MYH8: variants seen among roughly 807,000 people sequenced by gnomAD.
MYH8 encodes myosin heavy chain 8.
A neutral mutation model predicts 233.2 loss-of-function variants in MYH8; 168 were observed. The observed-to-expected ratio is 0.72, with a 90% confidence interval of 0.64 to 0.82. The LOEUF is 0.82. Among genes scored for constraint, MYH8 ranks in the 40% least tolerant of loss-of-function variants. MYH8 has a pLI of 0.00. For missense variants in MYH8, 1,995 were observed against 2,327.8 expected (o/e 0.86, Z 2.94); for synonymous variants, 785 against 850.6 (o/e 0.92, Z 1.34).
At chr17:10,397,008 C>G in intron 30 of MYH8, 22 bp from the exon 31 acceptor site, 1 of 1,613,910 alleles carries the variant, frequency 6.2e-7, no homozygotes, top group Non-Finnish European at 8.5e-7. Context: ...GCCAGGCAGT[C>G]AGGAGAATGG....
chr17:10,419,121 G>A lies in MYH8; in HGVS notation c.211-91C>T, dbSNP rs572235815. 2.0e-4 allele frequency: 291 copies of A among 1,459,944 alleles called. 1 individual carries two copies. Among genetic ancestry groups the A allele is most frequent in the Admixed American group, 2.0e-3 (107 of 54,522 alleles). 90.4% of individuals were successfully genotyped at this position (1,459,944 alleles called of 1,614,324 possible). A position where few individuals can be genotyped will look rare whatever the true frequency, so the allele number is the denominator to read the frequency against. ...TGCCCAGGCTGGAGTGCAGTGGCGC[G>A]ATCTCAGCTCACTGCAACCTCCGCC... On this transcript the variant is annotated intron_variant, in intron 3 of 39. Transcript: ENST00000403437. This position sits in a 1 kb window ranked among gnomAD's most constrained non-coding sequence, Gnocchi z 4.0.
At chr17:10,416,906 G>C (rs955470395) in intron 5 of MYH8, among the ~76,000 whole-genome samples, 3 of 152,084 alleles carry the variant, frequency 2.0e-5, no homozygotes, top group Non-Finnish European at 2.9e-5. Context: ...AGGCATAAAA[G>C]ATCTTAGAAA....
At position 10,420,276 on chromosome 17, in the gene MYH8, GGA is replaced by G. The variant is rs762174675; in HGVS notation, c.-30-21_-30-20del. On this transcript the variant is annotated intron_variant, in intron 2 of 39. Coordinates refer to ENST00000403437, the MANE Select transcript of MYH8 (RefSeq NM_002472.3). ...ATTCTGCCTAGGGAGGAGAGAAACG[GGA>G]GAGAGAGATATAAAAAGCAGAAGTC... 13 of 1,592,080 alleles carry G rather than the reference GGA, an allele frequency of 8.2e-6. No homozygotes were observed. In the Admixed American group the frequency reaches 1.2e-4, roughly 14 times the overall value.
chr17:10,401,556 G>A lies in MYH8; in HGVS notation c.2918C>T (p.Ala973Val), dbSNP rs753480257. Residue 973 changes from alanine (A) to valine (V), a missense_variant, in exon 23 of 40, where the codon GCC becomes GTC. By Grantham distance (64) the Ala-to-Val change is moderately conservative (BLOSUM62 0). Around this residue, in one of 3 missense-constraint regions of MYH8, gnomAD observed 1,498 missense variants for 1,680.9 expected, o/e 0.89. Coordinates refer to ENST00000403437, the MANE Select transcript of MYH8 (RefSeq NM_002472.3). ...TLAKVEKEKH[A>V]TENKVKNLTE... ...TATGACTGATACCTTGTTCTCCGTG[G>A]CATGTTTCTCCTTCTCAACCTTGGC... 6.2e-7 allele frequency: 1 copy of A among 1,614,104 alleles called. No homozygotes were observed. Among genetic ancestry groups the A allele is most frequent in the East Asian group, 2.2e-5 (1 of 44,870 alleles).
intron 24 of MYH8, 25 bp downstream of exon 24, chr17:10,401,250 A>T (rs770799302): frequency 4.3e-6 from 7 of 1,614,078 alleles, no homozygotes; most frequent in Non-Finnish European, 5.9e-6. Context: ...AAAATCTTTC[A>T]AAGGGATATT....
At chr17:10,401,822 A>T in intron 22 of MYH8, 37 bp from the exon 23 acceptor site, 1 of 1,613,590 alleles carries the variant, frequency 6.2e-7, no homozygotes, top group Non-Finnish European at 8.5e-7. Context: ...AGAGTCTGTT[A>T]CTTATTTTGA....
At chr17:10,404,275 G>A (rs960180851) in intron 22 of MYH8, 55 bp downstream of exon 22, 4 of 1,607,886 alleles carry the variant, frequency 2.5e-6, no homozygotes, top group Non-Finnish European at 3.4e-6. Flanking sequence ...CAAAGTATAT[G>A]TGTGTTTCAA....
chr17:10,392,438 T>C, intron 38 of MYH8, 104 bp downstream of exon 38: 3 of 1,041,494 alleles, frequency 2.9e-6, no homozygotes, highest in Non-Finnish European at 4.5e-6. Context: ...TGTACCAAGT[T>C]AATGCGTATT....
chr17:10,416,306 G>T (rs1016787361), intron 5 of MYH8, among the ~76,000 whole-genome samples: 1 of 152,110 alleles, frequency 6.6e-6, no homozygotes, highest in Admixed American at 6.6e-5. Flanking sequence ...TTAAAGGCAG[G>T]ATATCTTATT....
intron 14 of MYH8, among the ~76,000 whole-genome samples, chr17:10,411,750 A>G (rs36122155): frequency 0.052 from 7,854 of 152,314 alleles, 234 homozygotes; most frequent in South Asian, 0.12. Context: ...TCTTCTATTT[A>G]TATCAGACAT....
rs373799472 is a variant in MYH8 at position 10,394,248 on chromosome 17, C to A, written c.5166+1G>T. On this transcript the variant is annotated splice_donor_variant, in intron 35 of 39. Transcript: ENST00000403437. LOFTEE classifies it high-confidence loss of function. ...GCATTTGTTTGATGTGAGGGTCTCA[C>A]CTGGGTGTGGAGGAGCTGGACACGC... The A allele has an allele frequency of 5.0e-6, 8 of 1,613,848 alleles. No individual in the cohort carries two copies. Among genetic ancestry groups the A allele is most frequent in the Non-Finnish European group, 6.8e-6 (8 of 1,179,860 alleles).
In MYH8 at chr17:10,400,189, T is replaced by G. The variant is rs965165010; in HGVS notation, c.3735+201A>C. Reference sequence around the variant, plus strand: ...CTGCACTTCAGCCTGGGCGACAGAGTGAGACTCCATCCCCCCGCTCCAAAA... The same window carrying G: ...CTGCACTTCAGCCTGGGCGACAGAGGGAGACTCCATCCCCCCGCTCCAAAA... On this transcript the variant is annotated intron_variant, in intron 27 of 39. Transcript: ENST00000403437. This position sits in a 1 kb window ranked among gnomAD's most constrained non-coding sequence, Gnocchi z 4.0. 6.6e-6 allele frequency among the ~76,000 whole-genome samples: 1 copy of G among 151,840 alleles called. No individual in the cohort carries two copies. The highest frequency in any genetic ancestry group is 1.9e-4 in the East Asian group (1 of 5,160).
chr17:10,407,845 AAAAT>A (rs1289374954), intron 17 of MYH8, among the ~76,000 whole-genome samples: 19 of 151,796 alleles, frequency 1.3e-4, no homozygotes, highest in Non-Finnish European at 1.6e-4. Context: ...TCTCGAAAAA[AAAAT>A]AAATAAATAA....
Position 10,413,887 on chromosome 17 carries a change from A to T in MYH8, c.1147+15T>A. On this transcript the variant is annotated intron_variant, in intron 12 of 39. Coordinates refer to ENST00000403437, the MANE Select transcript of MYH8 (RefSeq NM_002472.3). ...ACATTCTCTCATTAAACCCAGATAA[A>T]GTTTCATTTGGTACCTTCTGTGCCA... 6.2e-7 allele frequency: 1 copy of T among 1,613,986 alleles called. No individual in the cohort carries two copies.
rs139751042 is a variant in MYH8, at chr17:10,412,514, G to A, written c.1272C>T (p.Tyr424=). 3 of 1,614,090 alleles carry A rather than the reference G, an allele frequency of 1.9e-6. No individual in the cohort carries two copies. In the African/African-American group the frequency reaches 4.0e-5, roughly 22 times the overall value. The change falls in exon 14 of 40, where the codon TAC becomes TAT. Residue 424 remains tyrosine (Y), a synonymous_variant. Coordinates refer to ENST00000403437, the MANE Select transcript of MYH8 (RefSeq NM_002472.3). ...CTTTGGCCAGAGCACCCACCGCATTGTACACCTTCACAGATAGAGTAATGT... is the reference window on the plus strand; with the variant it reads ...CTTTGGCCAGAGCACCCACCGCATTATACACCTTCACAGATAGAGTAATGT... ...VTKGQTVQQV[Y]NAVGALAKAV...
At chr17:10,394,714 C>T (rs1055490448) in intron 34 of MYH8, among the ~76,000 whole-genome samples, 2 of 152,202 alleles carry the variant, frequency 1.3e-5, no homozygotes, top group Non-Finnish European at 2.9e-5. Context: ...GAGCAGTTTC[C>T]ATATGCTCTA....
chr17:10,416,102 C>G (rs924794979), intron 5 of MYH8, among the ~76,000 whole-genome samples: 1 of 152,140 alleles, frequency 6.6e-6, no homozygotes, highest in African/African-American at 2.4e-5. Flanking sequence ...AAACTCTTAA[C>G]TCCCCATCTC....
At chr17:10,402,921 A>G (rs924411926) in intron 22 of MYH8, among the ~76,000 whole-genome samples, 1 of 152,186 alleles carries the variant, frequency 6.6e-6, no homozygotes, top group Non-Finnish European at 1.5e-5. Context: ...GAGTTGTACC[A>G]TTGACTAGGC....
At chr17:10,418,116 A>T (rs886908890) in intron 5 of MYH8, among the ~76,000 whole-genome samples, 3 of 152,194 alleles carry the variant, frequency 2.0e-5, no homozygotes, top group African/African-American at 7.2e-5. Flanking sequence ...TTTCATTGTA[A>T]TAGGAAAGTG....
Sources: gnomAD v4.1 joint callset for allele counts (sites outside exome capture counted in the v4.1 genomes callset) on GRCh38, gnomAD v4.1.1 for gene constraint, gnomAD v4.1.1 regional missense constraint, Gnocchi (gnomAD v3.1) non-coding constraint, MANE v1.5 for transcripts, NCBI Gene and HGNC (gene_info 2026-07-23, HGNC 2026-07-21) for gene names.